CLC: variants seen among roughly 807,000 people sequenced by gnomAD.
The protein encoded by CLC is galectin-10.
In CLC, 15 loss-of-function variants were observed where a neutral mutation model predicts 13.9. The observed-to-expected ratio is 1.08, with a 90% CI of 0.72 to 1.66. CLC has a LOEUF of 1.66. CLC is among the 40% of genes most tolerant of loss of function. The probability of loss-of-function intolerance (pLI) is 0.00; values close to 1 mark genes in which losing one functional copy is unlikely to be tolerated. For synonymous variants in CLC, 68 were observed against 59.9 expected (o/e 1.14, Z -0.63); for missense variants, 161 against 169.1 (o/e 0.95, Z 0.27).
Position 39,734,450 on chromosome 19 carries a change from C to A in CLC, c.136G>T (p.Glu46Ter). 6.2e-7 allele frequency: 1 copy of A among 1,614,174 alleles called. No homozygotes were observed. Among genetic ancestry groups the A allele is most frequent in the South Asian group, 1.1e-5 (1 of 91,082 alleles). ...AAATGGAAGACAATGTCTGATTCCT[C>A]CTTCATCTCAGTGTGGAAATCCACC... The part of the protein sequence containing the change: ...LQVDFHTEMK[E>*]ESDIVFHFQV... The change falls in exon 3 of 4, where the codon GAG (glutamate) becomes TAG (stop). Residue 46 changes from glutamate to a stop codon, truncating the protein, a stop_gained. Transcript: ENST00000221804. LOFTEE classifies it high-confidence loss of function.
rs751358027 is a variant in CLC, at chr19:39,731,276, T to C, written c.*104A>G. 38 of 1,251,034 alleles carry C rather than the reference T, an allele frequency of 3.0e-5. No individual in the cohort carries two copies. Among genetic ancestry groups the C allele is most frequent in the Middle Eastern group, 5.5e-4 (2 of 3,636 alleles). 77.5% of individuals were successfully genotyped at this position (1,251,034 alleles called of 1,614,324 possible). A position where few individuals can be genotyped will look rare whatever the true frequency, so the allele number is the denominator to read the frequency against. On this transcript the variant is annotated 3_prime_UTR_variant, in exon 4 of 4. Coordinates refer to ENST00000221804, the MANE Select transcript of CLC (RefSeq NM_001828.6). The stretch of plus-strand genomic sequence containing the variant: ...TCTGTGAAGTTTGATTAAGTTTTAA[T>C]GAGCAGGAGTAAGGATTGAAGTGAG...
At chr19:39,735,351 T>A (rs897280022) in intron 1 of CLC, among the ~76,000 whole-genome samples, 8 of 152,072 alleles carry the variant, frequency 5.3e-5, no homozygotes, top group Admixed American at 5.2e-4. Flanking sequence ...TTAGACAGGG[T>A]CTAATTGAAT....
intron 1 of CLC, among the ~76,000 whole-genome samples, chr19:39,736,115 G>A (rs538288159): frequency 7.9e-5 from 12 of 150,998 alleles, no homozygotes; most frequent in Admixed American, 5.3e-4. Context: ...TCCAAGCATC[G>A]TTTGACTGTT....
rs184318019 is a variant in CLC, at chr19:39,733,755, G to A, written c.303+528C>T. 3.3e-3 allele frequency among the ~76,000 whole-genome samples: 448 copies of A among 136,372 alleles called. 3 individuals carry two copies. Among genetic ancestry groups the A allele is most frequent in the Admixed American group, 7.0e-3 (99 of 14,078 alleles). 89.5% of individuals were successfully genotyped at this position (136,372 alleles called of 152,430 possible). A position where few individuals can be genotyped will look rare whatever the true frequency, so the allele number is the denominator to read the frequency against. ...AATAAAAGTGTATATATGGGTGTAT[G>A]TATATGCTTCTATAAGGATAGACTA... On this transcript the variant is annotated intron_variant, in intron 3 of 3. Transcript: ENST00000221804.
intron 2 of CLC, 22 bp from the exon 3 acceptor site, chr19:39,734,515 T>A: frequency 6.2e-7 from 1 of 1,601,492 alleles, no homozygotes; most frequent in South Asian, 1.1e-5. Context: ...GCACACAGTG[T>A]TGAGCAGGTC....
intron 1 of CLC, 55 bp from the exon 2 acceptor site, chr19:39,735,128 C>T (rs1304227257): frequency 4.0e-6 from 5 of 1,249,968 alleles, no homozygotes; most frequent in East Asian, 2.3e-5. Context: ...GGCCTCCCCT[C>T]CTGTAACAGA....
intron 3 of CLC, 33 bp from the exon 4 acceptor site, chr19:39,731,538 G>A (rs1568499984): frequency 6.3e-7 from 1 of 1,577,028 alleles, no homozygotes; most frequent in Non-Finnish European, 8.6e-7. Flanking sequence ...CAGAAAGACA[G>A]TATTTCACCA....
chr19:39,732,070 A>C (rs12611412), intron 3 of CLC, among the ~76,000 whole-genome samples: 100,215 of 149,754 alleles, frequency 0.67, 34,372 homozygotes, highest in African/African-American at 0.77. Context: ...TTATTAAATT[A>C]TTTATTTATT....
chr19:39,736,811 C>G (rs542727293), intron 1 of CLC, among the ~76,000 whole-genome samples: 3 of 151,732 alleles, frequency 2.0e-5, no homozygotes, highest in African/African-American at 7.3e-5. Flanking sequence ...GGTTTGAAGG[C>G]CTGGGCTTCA....
chr19:39,735,090 A>C lies in CLC; in HGVS notation c.16-17T>G, dbSNP rs1276318560. On this transcript the variant is annotated splice_polypyrimidine_tract_variant and intron_variant, in intron 1 of 3. Coordinates refer to ENST00000221804, the MANE Select transcript of CLC (RefSeq NM_001828.6). ...GTATGGCACCTGCCAGGGGATTGAG[A>C]GTGGGTGAGAGAGGCAGGGCCAGGT... The C allele has an allele frequency of 6.2e-7, 1 of 1,600,050 alleles. No homozygotes were observed. The highest frequency in any genetic ancestry group is 2.2e-5 in the East Asian group (1 of 44,770).
chr19:39,736,168 A>AT (rs1381928388), intron 1 of CLC, among the ~76,000 whole-genome samples: 3 of 147,544 alleles, frequency 2.0e-5, no homozygotes, highest in Non-Finnish European at 3.0e-5. Context: ...TGTGAGTTTT[A>AT]TTTTTTATTA....
intron 1 of CLC, among the ~76,000 whole-genome samples, chr19:39,737,458 C>G (rs1221182171): frequency 6.6e-6 from 1 of 151,912 alleles, no homozygotes; most frequent in Admixed American, 6.6e-5. Flanking sequence ...AACACCCAGT[C>G]ACATTCCAGC....
Position 39,734,439 on chromosome 19 carries a change from G to A in CLC, c.147C>T (p.Asp49=), listed in dbSNP as rs1398998483. The A allele has an allele frequency of 3.1e-6, 5 of 1,614,054 alleles. No homozygotes were observed. The highest frequency in any genetic ancestry group is 4.2e-6 in the Non-Finnish European group (5 of 1,180,012). ...AGCACACTTGGAAATGGAAGACAAT[G>A]TCTGATTCCTCCTTCATCTCAGTGT... ...DFHTEMKEES[D]IVFHFQVCFG... The change falls in exon 3 of 4, where the codon GAC becomes GAT. Residue 49 remains aspartate (D), a synonymous_variant. Transcript: ENST00000221804.
chr19:39,737,530 T>C (rs1967331227), intron 1 of CLC, among the ~76,000 whole-genome samples: 1 of 151,970 alleles, frequency 6.6e-6, no homozygotes, highest in Non-Finnish European at 1.5e-5. Flanking sequence ...CTGCTCACTG[T>C]GCATATAAAG....
intron 1 of CLC, among the ~76,000 whole-genome samples, chr19:39,735,297 C>T (rs1224790773): frequency 6.6e-6 from 1 of 152,162 alleles, no homozygotes; most frequent in Admixed American, 6.5e-5. Flanking sequence ...CTTTATTGTG[C>T]TGACTACTAG....
intron 1 of CLC, among the ~76,000 whole-genome samples, chr19:39,737,647 T>TG (rs1450743425): frequency 1.3e-5 from 2 of 152,204 alleles, no homozygotes; most frequent in Middle Eastern, 3.4e-3. Flanking sequence ...ACCCATATCC[T>TG]GGAGGGCCAT....
chr19:39,734,290 T>G lies in CLC; in HGVS notation c.296A>C (p.Lys99Thr). 6.2e-7 allele frequency: 1 copy of G among 1,613,588 alleles called. No homozygotes were observed. Among genetic ancestry groups the G allele is most frequent in the Non-Finnish European group, 8.5e-7 (1 of 1,179,924 alleles). The change falls in exon 3 of 4, where the codon AAG (lysine) becomes ACG (threonine). Residue 99 changes from lysine (K) to threonine (T), a missense_variant. Lys to Thr is a moderately conservative substitution (Grantham distance 78). Transcript: ENST00000221804. ...FELSISVLPDKYQVMVNGQSS... is the reference protein window; with the variant it reads ...FELSISVLPDTYQVMVNGQSS... ...AGCTCCTGGGGTGCTCACCTGGTACTTATCTGGCAGCACTGAGATGCTCAG... is the reference window on the plus strand; with the variant it reads ...AGCTCCTGGGGTGCTCACCTGGTACGTATCTGGCAGCACTGAGATGCTCAG...
At position 39,734,510 on chromosome 19, in the gene CLC, CA is replaced by C; in HGVS notation, c.93-18del. ...GGTTCATTCCTGAGGGCAGAGCACACAGTGTTGAGCAGGTCCCTTTCTTGTG... is the reference window on the plus strand; with the variant it reads ...GGTTCATTCCTGAGGGCAGAGCACACGTGTTGAGCAGGTCCCTTTCTTGTG... On this transcript the variant is annotated intron_variant, in intron 2 of 3. Transcript: ENST00000221804. The C allele has an allele frequency of 6.2e-7, 1 of 1,603,756 alleles. No individual in the cohort carries two copies. Among genetic ancestry groups the C allele is most frequent in the Non-Finnish European group, 8.5e-7 (1 of 1,170,608 alleles).
At chr19:39,733,698 G>A (rs1012619752) in intron 3 of CLC, among the ~76,000 whole-genome samples, 2 of 152,104 alleles carry the variant, frequency 1.3e-5, no homozygotes, top group Non-Finnish European at 2.9e-5. Flanking sequence ...GTAATGTGTA[G>A]GGACATTGAT....
Sources: gnomAD v4.1 joint callset for allele counts (sites outside exome capture counted in the v4.1 genomes callset) on GRCh38, gnomAD v4.1.1 for gene constraint, MANE v1.5 for transcripts, NCBI Gene and HGNC (gene_info 2026-07-23, HGNC 2026-07-21) for gene names.